Variants in LUC7L observed in about 807,000 individuals in gnomAD.
The protein encoded by LUC7L is putative RNA-binding protein Luc7-like 1.
Under a neutral mutation model 51.1 loss-of-function variants are expected in LUC7L, and 29 were observed. The observed-to-expected ratio is 0.57, with a 90% CI of 0.42 to 0.77. The LOEUF (loss-of-function observed/expected upper bound fraction) is 0.77. Ranked by LOEUF, LUC7L falls within the 30% of genes least tolerant of loss-of-function variation. The pLI is 0.00. For synonymous variants in LUC7L, 181 were observed against 180.7 expected (o/e 1.00, Z -0.01); for missense variants, 403 against 511.9 (o/e 0.79, Z 2.05).
intron 7 of LUC7L, 56 bp downstream of exon 7, chr16:192,871 G>C (rs951600283): frequency 2.1e-6 from 3 of 1,435,808 alleles, no homozygotes; most frequent in Middle Eastern, 2.3e-4. Context: ...GGAATGGACC[G>C]AGCAGGGAAT....
At chr16:196,073 A>G (rs1303032085) in intron 6 of LUC7L, among the ~76,000 whole-genome samples, 2 of 152,094 alleles carry the variant, frequency 1.3e-5, no homozygotes, top group African/African-American at 4.8e-5. Flanking sequence ...ATGCAGAGAT[A>G]CACATTAAGG....
chr16:208,457 T>C, intron 3 of LUC7L: 2 of 414,746 alleles, frequency 4.8e-6, no homozygotes, highest in Non-Finnish European at 7.7e-6. Context: ...CAACCCTCAA[T>C]AACATTACAA....
At chr16:190,806 G>C in intron 7 of LUC7L, 1 of 523,678 alleles carries the variant, frequency 1.9e-6, no homozygotes, top group South Asian at 2.8e-5. Flanking sequence ...CTTTAACCTA[G>C]GAGGCAGAGG....
At chr16:193,880 C>T (rs190853658) in intron 6 of LUC7L, among the ~76,000 whole-genome samples, 4 of 151,402 alleles carry the variant, frequency 2.6e-5, no homozygotes, top group South Asian at 2.1e-4. Flanking sequence ...CTCGGCTCGC[C>T]GCAAGCTCCG....
intron 4 of LUC7L, among the ~76,000 whole-genome samples, chr16:207,163 C>T (rs1309992772): frequency 1.3e-5 from 2 of 151,710 alleles, no homozygotes; most frequent in Admixed American, 6.6e-5. Flanking sequence ...CACGCCACTG[C>T]CCTCCAGCCT....
At chr16:210,306 C>T (rs1487192892) in intron 3 of LUC7L, among the ~76,000 whole-genome samples, 1 of 152,122 alleles carries the variant, frequency 6.6e-6, no homozygotes, top group African/African-American at 2.4e-5. Context: ...ACATAAACTG[C>T]TTCTTGTTGG....
At chr16:200,960 G>A (rs967403664) in intron 5 of LUC7L, among the ~76,000 whole-genome samples, 1 of 151,764 alleles carries the variant, frequency 6.6e-6, no homozygotes, top group Non-Finnish European at 1.5e-5. Flanking sequence ...CAAGGCAGGT[G>A]GATCACAAGG....
rs1206500997 is a variant in LUC7L at position 197,031 on chromosome 16, C to T, written c.687+2031G>A. 4.6e-5 allele frequency among the ~76,000 whole-genome samples: 7 copies of T among 151,600 alleles called. No homozygotes were observed. In the East Asian group the frequency reaches 1.4e-3, roughly 30 times the overall value. ...GACACCATTCTCCTGCCTCGGCCTC[C>T]CGAGTAGCTGGGACTACAGGTGCCC... On this transcript the variant is annotated intron_variant, in intron 6 of 9. Transcript: ENST00000293872.
chr16:206,239 A>G, intron 4 of LUC7L, 92 bp from the exon 5 acceptor site: 1 of 1,253,580 alleles, frequency 8.0e-7, no homozygotes, highest in Non-Finnish European at 1.1e-6. Context: ...TTCCAGTCTG[A>G]AAATAAGTGG....
chr16:193,160 T>C (rs1596594997), intron 6 of LUC7L, 145 bp from the exon 7 acceptor site: 1 of 713,294 alleles, frequency 1.4e-6, no homozygotes, highest in East Asian at 2.6e-5. Flanking sequence ...ATACTTTTTT[T>C]TTTCTCTTTG....
intron 2 of LUC7L, among the ~76,000 whole-genome samples, chr16:222,656 G>C (rs78152700): frequency 7.6e-6 from 1 of 132,368 alleles, no homozygotes; most frequent in East Asian, 2.3e-4. Context: ...TTTTTTTTTT[G>C]AGATGGAGTT....
intron 2 of LUC7L, among the ~76,000 whole-genome samples, chr16:223,096 A>C (rs1228110332): frequency 6.6e-6 from 1 of 151,324 alleles, no homozygotes; most frequent in African/African-American, 2.4e-5. Context: ...ACGGTGGCTC[A>C]CTCCTGTAAT....
chr16:198,522 A>G (rs141905669), intron 6 of LUC7L, among the ~76,000 whole-genome samples: 1 of 152,200 alleles, frequency 6.6e-6, no homozygotes, highest in East Asian at 1.9e-4. Flanking sequence ...AGCTGTATGT[A>G]TTCTGGGAAC....
chr16:196,732 T>C (rs767765770), intron 6 of LUC7L, among the ~76,000 whole-genome samples: 5 of 151,924 alleles, frequency 3.3e-5, no homozygotes, highest in Non-Finnish European at 7.4e-5. Flanking sequence ...TTTGCTATGT[T>C]GGCCAGGCTG....
chr16:214,773 A>C (rs1028501221), intron 3 of LUC7L, among the ~76,000 whole-genome samples: 1 of 151,958 alleles, frequency 6.6e-6, no homozygotes, highest in Non-Finnish European at 1.5e-5. Context: ...CGACCCACCC[A>C]CCCTAGTCTC....
rs1238626616 is a variant in LUC7L, at chr16:190,183, C to G, written c.807-48G>C. ...GGCTGAGACTCTATAGGTGCCAACA[C>G]TATGAGGGCCCCACCCCTCAGCAGA... is the stretch of plus-strand genomic sequence containing the variant. On this transcript the variant is annotated intron_variant, in intron 8 of 9. Coordinates refer to ENST00000293872, the MANE Select transcript of LUC7L (RefSeq NM_201412.3). The G allele has an allele frequency of 4.0e-6, 6 of 1,511,190 alleles. No individual in the cohort carries two copies. In the South Asian group the frequency reaches 5.7e-5, roughly 14 times the overall value. 93.6% of individuals were successfully genotyped at this position (1,511,190 alleles called of 1,614,324 possible).
At chr16:211,983 C>T (rs185172334) in intron 3 of LUC7L, among the ~76,000 whole-genome samples, 61 of 152,272 alleles carry the variant, frequency 4.0e-4, no homozygotes, top group African/African-American at 1.4e-3. Context: ...TAGGCACGTG[C>T]GCTAAACACC....
intron 1 of LUC7L, chr16:229,057 T>A (rs1350147237): frequency 1.4e-6 from 2 of 1,418,238 alleles, no homozygotes; most frequent in Non-Finnish European, 1.8e-6. Context: ...GCCCCATCCA[T>A]GGCGCAGACT....
rs368182389 is a variant in LUC7L, at chr16:189,218, T to C, written c.1096A>G (p.Lys366Glu). 3.5e-5 allele frequency: 56 copies of C among 1,613,766 alleles called. No homozygotes were observed. The highest frequency in any genetic ancestry group is 4.7e-5 in the Non-Finnish European group (55 of 1,179,792). The change falls in exon 10 of 10, where the codon AAG becomes GAG. Residue 366 changes from lysine to glutamate, a missense_variant. Around this residue, in one of 3 missense-constraint regions of LUC7L, gnomAD observed 206 missense variants for 218.3 expected, o/e 0.94. Coordinates refer to ENST00000293872, the MANE Select transcript of LUC7L (RefSeq NM_201412.3). The part of the protein sequence containing the change: ...GKMASRRSEE[K>E]EAGEI ...CGGGTTCAGATCTCGCCGGCCTCCT[T>C]CTCTTCTGACCTCCGTGAAGCCATC...
Sources: gnomAD v4.1 joint callset for allele counts (sites outside exome capture counted in the v4.1 genomes callset) on GRCh38, gnomAD v4.1.1 for gene constraint, gnomAD v4.1.1 regional missense constraint, MANE v1.5 for transcripts, NCBI Gene and HGNC (gene_info 2026-07-23, HGNC 2026-07-21) for gene names.